CFAP43: variants seen among roughly 807,000 people sequenced by gnomAD.
The protein encoded by CFAP43 is cilia and flagella associated protein 43, also known as cilia- and flagella-associated protein 43.
A neutral mutation model predicts 218.9 loss-of-function variants in CFAP43; 155 were observed. The observed-to-expected ratio is 0.71, with a 90% CI of 0.62 to 0.81. The LOEUF (loss-of-function observed/expected upper bound fraction) is 0.81. Among genes scored for constraint, CFAP43 ranks in the 30% least tolerant of loss-of-function variants. The pLI, the probability that CFAP43 is intolerant of heterozygous loss-of-function variation, is 0.00. For missense variants in CFAP43, 1,778 were observed against 1,954.3 expected, an observed-to-expected ratio of 0.91 and a Z score of 1.70; for synonymous variants, 645 against 681.3, an observed-to-expected ratio of 0.95 and a Z score of 0.83.
intron 5 of CFAP43, 78 bp from the exon 6 acceptor site, chr10:104,207,902 G>A: frequency 7.1e-7 from 1 of 1,417,592 alleles, no homozygotes; most frequent in South Asian, 1.4e-5. Flanking sequence ...CAGAACAACT[G>A]ACAAAAAGGA....
At chr10:104,132,721 T>C in intron 35 of CFAP43, 1 of 985,172 alleles carries the variant, frequency 1.0e-6, no homozygotes, top group Non-Finnish European at 1.2e-6. Context: ...GCACCAATTA[T>C]TACAAATGCC....
intron 27 of CFAP43, among the ~76,000 whole-genome samples, chr10:104,155,762 C>CAGTGT (rs982272793): frequency 6.6e-6 from 1 of 152,026 alleles, no homozygotes; most frequent in African/African-American, 2.4e-5. Context: ...GCCAAGGATA[C>CAGTGT]AGTGTGTCAA....
At chr10:104,160,696 A>T (rs1237829671) in intron 27 of CFAP43, among the ~76,000 whole-genome samples, 1 of 152,250 alleles carries the variant, frequency 6.6e-6, no homozygotes, top group Non-Finnish European at 1.5e-5. Context: ...AAATAAATGT[A>T]CACAACACAG....
intron 2 of CFAP43, among the ~76,000 whole-genome samples, chr10:104,228,154 T>C (rs77995759): frequency 0.14 from 20,803 of 152,170 alleles, 1,488 homozygotes; most frequent in South Asian, 0.21. Flanking sequence ...TATTTTCTAC[T>C]ATTTTCAAGT....
intron 3 of CFAP43, among the ~76,000 whole-genome samples, chr10:104,215,720 C>T (rs926960471): frequency 2.6e-5 from 4 of 151,766 alleles, no homozygotes; most frequent in Non-Finnish European, 5.9e-5. Context: ...TCCCCTCTCC[C>T]GAAACCTCTA....
Position 104,153,266 on chromosome 10 carries a change from T to C in CFAP43, c.3541-540A>G, listed in dbSNP as rs565208597. On this transcript the variant is annotated intron_variant, in intron 27 of 37. Transcript: ENST00000357060. ...TCCCTTGTCCTCTCTTTTTAAAAAA[T>C]TCCACCAGGACATAAGTGAAATATA... Among the ~76,000 whole-genome samples, 3 of 152,236 alleles carry C rather than the reference T, an allele frequency of 2.0e-5. No homozygotes were observed. In the South Asian group the frequency reaches 6.2e-4, roughly 32 times the overall value.
At position 104,230,419 on chromosome 10, in the gene CFAP43, C is replaced by T. The variant is rs529300759; in HGVS notation, c.319+171G>A. On this transcript the variant is annotated intron_variant, in intron 2 of 37. Transcript: ENST00000357060. ...GGCAGAGATTGCAGTGAGCCAAGAT[C>T]GCACCACTGCACTCCAGCCTAGGCA... Among the ~76,000 whole-genome samples the T allele has an allele frequency of 1.2e-4, 18 of 152,126 alleles. No homozygotes were observed. In the East Asian group the frequency reaches 1.9e-3, roughly 16 times the overall value.
At chr10:104,206,163 T>A in intron 6 of CFAP43, 133 bp from the exon 7 acceptor site, 1 of 669,314 alleles carries the variant, frequency 1.5e-6, no homozygotes, top group Non-Finnish European at 2.5e-6. Context: ...CAGATCTATG[T>A]AACTAACATA....
intron 3 of CFAP43, among the ~76,000 whole-genome samples, chr10:104,217,428 G>T (rs942256046): frequency 2.7e-5 from 4 of 150,906 alleles, no homozygotes; most frequent in Admixed American, 2.0e-4. Context: ...CCTTATTTCA[G>T]CAGTCATTTC....
chr10:104,188,107 C>T (rs2090089725), intron 13 of CFAP43, among the ~76,000 whole-genome samples, 163 bp downstream of exon 13: 1 of 152,224 alleles, frequency 6.6e-6, no homozygotes, highest in Admixed American at 6.5e-5. Flanking sequence ...GAAAAGTCCA[C>T]ACTTCAAACT....
chr10:104,152,671 G>A lies in CFAP43; in HGVS notation c.3596C>T (p.Ala1199Val), dbSNP rs2088327412. The change falls in exon 28 of 38, where the codon GCC (alanine) becomes GTC (valine). Residue 1199 changes from alanine (A) to valine (V), a missense_variant. Transcript: ENST00000357060. ...AAGTCTTTTCAAATGTTCATCAAAG[G>A]CCTGTGTGCTTTCTTGAATAGAGTT... ...LQNSIQESTQ[A>V]FDEHLKRLFE... is the part of the protein sequence containing the mutation. The A allele has an allele frequency of 1.2e-6, 2 of 1,613,480 alleles. No individual in the cohort carries two copies. The highest frequency in any genetic ancestry group is 8.5e-7 in the Non-Finnish European group (1 of 1,179,816).
intron 3 of CFAP43, 127 bp downstream of exon 3, chr10:104,225,334 T>G: frequency 2.5e-6 from 2 of 790,932 alleles, no homozygotes; most frequent in Non-Finnish European, 3.9e-6. Context: ...AAACTTGTGA[T>G]TGGCATTTTT....
Position 104,164,092 on chromosome 10 carries a change from A to G in CFAP43, c.3246+2T>C. The G allele has an allele frequency of 6.2e-7, 1 of 1,613,944 alleles. No homozygotes were observed. The highest frequency in any genetic ancestry group is 1.1e-5 in the South Asian group (1 of 91,064). ...GGAAAGGAGAACACAGCTAGCCAGT[A>G]CCTCCTCATCTTGCACAACAAGCGT... On this transcript the variant is annotated splice_donor_variant, in intron 24 of 37. Coordinates refer to ENST00000357060, the MANE Select transcript of CFAP43 (RefSeq NM_025145.7). LOFTEE classifies it high-confidence loss of function.
At chr10:104,133,547 T>A in intron 35 of CFAP43, 73 bp downstream of exon 35, 1 of 1,466,028 alleles carries the variant, frequency 6.8e-7, no homozygotes. Context: ...GGCTTCTTAT[T>A]AAATACTGGT....
rs1211326859 is a variant in CFAP43, at chr10:104,140,935, T to C, written c.4338A>G (p.Gln1446=). Residue 1446 remains glutamine (Q), a synonymous_variant, in exon 34 of 38, where the codon CAA becomes CAG. Transcript: ENST00000357060. The part of the protein sequence containing the change: ...LTIQILLKQG[Q]VELENFQLVL... ...CTAGCTGGAAATTTTCCAGTTCTACTTGTCCTTGTTTAAGAAGAATTTGGA... is the reference window on the plus strand; with the variant it reads ...CTAGCTGGAAATTTTCCAGTTCTACCTGTCCTTGTTTAAGAAGAATTTGGA... 6 of 1,613,452 alleles carry C rather than the reference T, an allele frequency of 3.7e-6. No individual in the cohort carries two copies. The highest frequency in any genetic ancestry group is 4.2e-6 in the Non-Finnish European group (5 of 1,179,796).
At chr10:104,132,577 T>A (rs1185608461) in intron 35 of CFAP43, 5 of 896,436 alleles carry the variant, frequency 5.6e-6, no homozygotes, top group Non-Finnish European at 6.7e-6. Flanking sequence ...ATCACACCAT[T>A]GCACTCCACC....
In CFAP43 at chr10:104,186,027, G is replaced by A; in HGVS notation, c.1957C>T (p.Leu653Phe). Residue 653 changes from leucine to phenylalanine, a missense_variant, in exon 15 of 38, where the codon CTC becomes TTC. This residue lies in a region of CFAP43 where 1,553 missense variants were observed against 1,685.2 expected (regional missense o/e 0.92). Transcript: ENST00000357060. Reference sequence around the variant, plus strand: ...ATTCCACATTTAGCTATTGTTATGAGCCACAATCCATGTGAAGACAGATAG... The same window carrying A: ...ATTCCACATTTAGCTATTGTTATGAACCACAATCCATGTGAAGACAGATAG... ...LLYLSSHGLW[L>F]ITIAKCGILC... is the part of the protein sequence containing the mutation. 1.2e-6 allele frequency: 2 copies of A among 1,610,762 alleles called. No homozygotes were observed. The highest frequency in any genetic ancestry group is 2.2e-5 in the South Asian group (2 of 90,296).
chr10:104,174,667 G>T (rs1339352475), intron 19 of CFAP43, among the ~76,000 whole-genome samples: 2 of 151,928 alleles, frequency 1.3e-5, no homozygotes, highest in South Asian at 2.1e-4. Flanking sequence ...CACTTTCAGA[G>T]AAACTATAAA....
intron 3 of CFAP43, among the ~76,000 whole-genome samples, chr10:104,215,003 C>T (rs1490466224): frequency 1.4e-4 from 22 of 152,194 alleles, no homozygotes; most frequent in African/African-American, 4.1e-4. Context: ...GGTATGGTGG[C>T]ACACGCCTGT....
Sources: allele counts gnomAD v4.1 joint callset (sites outside exome capture counted in the v4.1 genomes callset), GRCh38; gene constraint gnomAD v4.1.1; regional missense constraint gnomAD v4.1.1; transcripts MANE v1.5; gene names NCBI Gene and HGNC (gene_info 2026-07-23, HGNC 2026-07-21).